Variants in NYAP2 observed in about 807,000 individuals in gnomAD.
The protein encoded by NYAP2 is neuronal tyrosine-phosphorylated phosphoinositide-3-kinase adapter 2.
NYAP2 carries 23 observed loss-of-function variants against 50.4 expected under a neutral mutation model. The ratio of observed to expected loss-of-function variants is 0.46; its 90% CI spans 0.33 to 0.65. The LOEUF (loss-of-function observed/expected upper bound fraction) is 0.65. NYAP2 is among the 30% of genes least tolerant of loss of function. The pLI, the probability that NYAP2 is intolerant of heterozygous loss-of-function variation, is 0.02. For missense variants in NYAP2, 885 were observed against 861.0 expected (o/e 1.03, Z -0.35); for synonymous variants, 394 against 365.2 (o/e 1.08, Z -0.90).
chr2:225,477,687 A>T (rs903685155), intron 3 of NYAP2, among the ~76,000 whole-genome samples: 8 of 152,146 alleles, frequency 5.3e-5, no homozygotes, highest in African/African-American at 1.9e-4. Flanking sequence ...GTGTGTGTGC[A>T]TGTTAGTTTA....
At chr2:225,449,230 C>A (rs954370593) in intron 3 of NYAP2, among the ~76,000 whole-genome samples, 1 of 152,134 alleles carries the variant, frequency 6.6e-6, no homozygotes, top group Non-Finnish European at 1.5e-5. Context: ...GTCATTTATC[C>A]TTGAATGTAT....
At chr2:225,489,360 CT>C (rs1005483074) in intron 3 of NYAP2, among the ~76,000 whole-genome samples, 32 of 150,802 alleles carry the variant, frequency 2.1e-4, no homozygotes, top group African/African-American at 7.0e-4. Context: ...TACCTCTCTA[CT>C]TTTTTTTTGT....
intron 2 of NYAP2, among the ~76,000 whole-genome samples, chr2:225,402,364 C>T (rs1475747806): frequency 9.9e-5 from 15 of 151,942 alleles, no homozygotes; most frequent in Non-Finnish European, 2.2e-4. Flanking sequence ...TAGCTCCAGT[C>T]AGCAATTTAT....
At chr2:225,425,085 CT>C (rs1432257201) in intron 3 of NYAP2, among the ~76,000 whole-genome samples, 1 of 152,032 alleles carries the variant, frequency 6.6e-6, no homozygotes, top group Non-Finnish European at 1.5e-5. Context: ...AGAAATAGAG[CT>C]TTCAGAAAAA....
intron 3 of NYAP2, among the ~76,000 whole-genome samples, chr2:225,513,142 T>A (rs1690862590): frequency 6.6e-6 from 1 of 152,180 alleles, no homozygotes; most frequent in Non-Finnish European, 1.5e-5. Context: ...TATAAAGTGA[T>A]TGAAGATAAG....
At chr2:225,573,255 T>C (rs932578111) in intron 4 of NYAP2, among the ~76,000 whole-genome samples, 2 of 150,864 alleles carry the variant, frequency 1.3e-5, no homozygotes. Flanking sequence ...TATTTCTTTT[T>C]TTTTTTTTTT....
intron 3 of NYAP2, among the ~76,000 whole-genome samples, chr2:225,433,598 G>C (rs1689311270): frequency 6.6e-6 from 1 of 151,838 alleles, no homozygotes; most frequent in South Asian, 2.1e-4. Flanking sequence ...GAGTAGGGAA[G>C]TTCCAAAACT....
the NYAP2 span, among the ~76,000 whole-genome samples, chr2:225,660,303 G>T: frequency 6.6e-6 from 1 of 152,132 alleles, no homozygotes; most frequent in Non-Finnish European, 1.5e-5. Flanking sequence ...TTTCAGAACT[G>T]TCAGCTCTCC....
chr2:225,476,503 G>A (rs1480743704), intron 3 of NYAP2, among the ~76,000 whole-genome samples: 2 of 151,982 alleles, frequency 1.3e-5, no homozygotes, highest in Admixed American at 1.3e-4. Flanking sequence ...ACCCAGCAAT[G>A]TGCTGGTAAA....
intron 3 of NYAP2, among the ~76,000 whole-genome samples, chr2:225,487,195 G>A (rs1347156044): frequency 6.6e-6 from 1 of 152,126 alleles, no homozygotes; most frequent in Non-Finnish European, 1.5e-5. Context: ...CCTGGCCTTG[G>A]CCACAAGCTA....
intron 2 of NYAP2, among the ~76,000 whole-genome samples, chr2:225,406,620 A>G (rs1261404995): frequency 6.6e-6 from 1 of 151,994 alleles, no homozygotes; most frequent in East Asian, 1.9e-4. Context: ...TGGCAGGAGC[A>G]TGTGTACAAA....
At chr2:225,464,563 G>A (rs745481558) in intron 3 of NYAP2, among the ~76,000 whole-genome samples, 22 of 152,212 alleles carry the variant, frequency 1.4e-4, no homozygotes, top group Non-Finnish European at 2.8e-4. Flanking sequence ...GCATGAGCCT[G>A]CTCACTTCCC....
intron 3 of NYAP2, among the ~76,000 whole-genome samples, chr2:225,510,979 T>A (rs1690803339): frequency 6.6e-6 from 1 of 152,210 alleles, no homozygotes; most frequent in South Asian, 2.1e-4. Flanking sequence ...TAGTAACTCA[T>A]AAATGCCCAT....
intron 4 of NYAP2, among the ~76,000 whole-genome samples, chr2:225,558,408 T>C (rs11887399): frequency 0.19 from 28,869 of 152,068 alleles, 3,355 homozygotes; most frequent in African/African-American, 0.33. Flanking sequence ...TGCATATACT[T>C]CTTGTGGAAA....
chr2:225,585,268 C>A (rs556817673), intron 5 of NYAP2, among the ~76,000 whole-genome samples: 4 of 152,274 alleles, frequency 2.6e-5, no homozygotes, highest in Non-Finnish European at 5.9e-5. Flanking sequence ...ATGGAAGTTT[C>A]ATCTTAGAAT....
chr2:225,684,491 C>T, the NYAP2 span, among the ~76,000 whole-genome samples: 1 of 150,568 alleles, frequency 6.6e-6, no homozygotes, highest in East Asian at 2.0e-4. Context: ...CCTTTCTCTT[C>T]TCTCTTACTA....
chr2:225,622,252 GAATTCCTGAGATCAAATGAT>G (rs1366818108), intron 5 of NYAP2, among the ~76,000 whole-genome samples: 18 of 152,100 alleles, frequency 1.2e-4, no homozygotes, highest in Non-Finnish European at 2.6e-4. Flanking sequence ...GACTGATTTG[GAATTCCTGAGATCAAATGAT>G]CCTCCTGTTT....
chr2:225,698,239 A>G, the NYAP2 span: 1 of 152,106 alleles, frequency 6.6e-6, no homozygotes, highest in African/African-American at 2.4e-5. Flanking sequence ...TTGTTCTAAG[A>G]AACTACTAGC....
chr2:225,680,285 T>C, the NYAP2 span, among the ~76,000 whole-genome samples: 1 of 152,262 alleles, frequency 6.6e-6, no homozygotes, highest in South Asian at 2.1e-4. Context: ...AGTTTAGAAG[T>C]ATAGGAAAAG....
Sources: allele counts gnomAD v4.1 joint callset (sites outside exome capture counted in the v4.1 genomes callset), GRCh38; gene constraint gnomAD v4.1.1; transcripts MANE v1.5; gene names NCBI Gene and HGNC (gene_info 2026-07-23, HGNC 2026-07-21).